CUL2: variants seen among roughly 807,000 people sequenced by gnomAD.
The protein encoded by CUL2 is cullin-2.
A neutral mutation model predicts 110.2 loss-of-function variants in CUL2; 22 were observed. The observed-to-expected ratio is 0.20, with a 90% CI of 0.14 to 0.28. The LOEUF (loss-of-function observed/expected upper bound fraction) is 0.28. CUL2 is among the 10% of genes least tolerant of loss of function. The probability of loss-of-function intolerance (pLI) is 1.00; values close to 1 mark genes in which losing one functional copy is unlikely to be tolerated. For missense variants in CUL2, 631 were observed against 905.5 expected (o/e 0.70, Z 3.89); for synonymous variants, 279 against 293.2 (o/e 0.95, Z 0.49).
intron 6 of CUL2, among the ~76,000 whole-genome samples, chr10:35,045,419 C>CA (rs764280962): frequency 0.017 from 2,489 of 146,572 alleles, 36 homozygotes; most frequent in Non-Finnish European, 0.027. Flanking sequence ...AGACCTCATT[C>CA]AAAAAAAAAA....
chr10:35,067,219 C>T (rs1406421985), intron 2 of CUL2, among the ~76,000 whole-genome samples: 3 of 151,814 alleles, frequency 2.0e-5, no homozygotes, highest in African/African-American at 7.3e-5. Flanking sequence ...ATATTCCTAC[C>T]TGGAAGAAAT....
At chr10:35,053,495 T>G (rs574754319) in intron 5 of CUL2, among the ~76,000 whole-genome samples, 3 of 152,362 alleles carry the variant, frequency 2.0e-5, no homozygotes, top group African/African-American at 7.2e-5. Flanking sequence ...ATGCTTTTTA[T>G]TGCTGAATGT....
chr10:35,125,770 G>A (rs1467508206), intron 1 of CUL2, among the ~76,000 whole-genome samples: 2 of 152,176 alleles, frequency 1.3e-5, no homozygotes, highest in East Asian at 1.9e-4. Context: ...AGAACCTATC[G>A]TTAAGTGAGG....
intron 1 of CUL2, among the ~76,000 whole-genome samples, chr10:35,109,977 C>A (rs915929861): frequency 3.9e-5 from 6 of 152,132 alleles, no homozygotes; most frequent in African/African-American, 1.4e-4. Context: ...AGTTCAAGAG[C>A]AGCCTGGGCA....
intron 1 of CUL2, among the ~76,000 whole-genome samples, chr10:35,104,132 A>G (rs2087423738): frequency 6.6e-6 from 1 of 152,150 alleles, no homozygotes; most frequent in South Asian, 2.1e-4. Flanking sequence ...ACGATTTCAC[A>G]CATACATGCA....
chr10:35,012,047 C>A (rs1310128413), intron 19 of CUL2, 83 bp from the exon 20 acceptor site: 2 of 705,958 alleles, frequency 2.8e-6, no homozygotes, highest in East Asian at 3.0e-5. Context: ...TCAGTGAGTG[C>A]AAATACTTTT....
chr10:35,039,334 A>AT, intron 8 of CUL2, among the ~76,000 whole-genome samples: 1 of 152,344 alleles, frequency 6.6e-6, no homozygotes, highest in Non-Finnish European at 1.5e-5. Flanking sequence ...TTTTGTCTTC[A>AT]TTTACCTACA....
At chr10:35,015,544 C>A (rs1188360747) in intron 18 of CUL2, among the ~76,000 whole-genome samples, 1 of 151,816 alleles carries the variant, frequency 6.6e-6, no homozygotes, top group Non-Finnish European at 1.5e-5. Context: ...CTTATAAGCA[C>A]AATAATTTGA....
intron 1 of CUL2, among the ~76,000 whole-genome samples, chr10:35,085,630 G>A (rs941077352): frequency 1.3e-5 from 2 of 148,532 alleles, no homozygotes; most frequent in African/African-American, 5.0e-5. Context: ...TGTAGTCCCA[G>A]CTACTCGGGA....
In CUL2 at chr10:35,122,837, C is replaced by T. The variant is rs2087694063; in HGVS notation, c.-51+3768G>A. ...ATTTTTAGTAGAGATGGGGTTTTGCCATATTAGCCAGGCTGTTTGTTCTCA... is the reference window on the plus strand; with the variant it reads ...ATTTTTAGTAGAGATGGGGTTTTGCTATATTAGCCAGGCTGTTTGTTCTCA... On this transcript the variant is annotated intron_variant, in intron 1 of 5. Coordinates refer to the CUL2 transcript ENST00000685421. Among the ~76,000 whole-genome samples, 4 of 152,232 alleles carry T rather than the reference C, an allele frequency of 2.6e-5. No homozygotes were observed. In the South Asian group the frequency reaches 8.3e-4, roughly 32 times the overall value.
intron 9 of CUL2, among the ~76,000 whole-genome samples, chr10:35,037,282 T>C (rs2085647115): frequency 6.6e-6 from 1 of 152,222 alleles, no homozygotes; most frequent in Admixed American, 6.5e-5. Context: ...GAAAAGACCA[T>C]CTTTTACCTG....
At chr10:35,020,418 A>G in intron 17 of CUL2, among the ~76,000 whole-genome samples, 1 of 152,218 alleles carries the variant, frequency 6.6e-6, no homozygotes, top group South Asian at 2.1e-4. Context: ...TAGCTGTTGG[A>G]ATTATTTGAA....
intron 20 of CUL2, among the ~76,000 whole-genome samples, chr10:35,010,774 T>C (rs1327874683): frequency 1.3e-5 from 2 of 152,226 alleles, no homozygotes; most frequent in African/African-American, 4.8e-5. Flanking sequence ...TACATTCTCA[T>C]AGTACTGTAT....
chr10:35,021,334 G>A (rs1363058546), intron 17 of CUL2, among the ~76,000 whole-genome samples: 2 of 149,866 alleles, frequency 1.3e-5, no homozygotes, highest in Non-Finnish European at 3.0e-5. Flanking sequence ...TCGGCTCACT[G>A]CAATCTCCGC....
intron 5 of CUL2, among the ~76,000 whole-genome samples, chr10:35,052,752 G>A (rs112876478): frequency 0.027 from 4,113 of 151,962 alleles, 185 homozygotes; most frequent in African/African-American, 0.094. Flanking sequence ...AAAATTAGCC[G>A]GGTGTGGTGG....
chr10:35,027,426 G>A (rs2085364756), intron 16 of CUL2, among the ~76,000 whole-genome samples: 2 of 152,218 alleles, frequency 1.3e-5, no homozygotes, highest in East Asian at 1.9e-4. Context: ...TTACAGGCGT[G>A]AGCCACCGCG....
chr10:35,091,518 T>C (rs980627282), upstream of CUL2, among the ~76,000 whole-genome samples: 5 of 152,190 alleles, frequency 3.3e-5, no homozygotes, highest in African/African-American at 1.2e-4. Flanking sequence ...CCTTTTAATC[T>C]AGTGATTCTC....
chr10:35,015,571 C>T (rs1321787499), intron 18 of CUL2, among the ~76,000 whole-genome samples: 1 of 152,068 alleles, frequency 6.6e-6, no homozygotes, highest in Non-Finnish European at 1.5e-5. Flanking sequence ...TATAATCCCA[C>T]CTCTGTTGCA....
In CUL2 at chr10:35,025,123, G is replaced by A. The variant is rs370401674; in HGVS notation, c.1684+9C>T. 32 of 1,491,768 alleles carry A rather than the reference G, an allele frequency of 2.1e-5. No homozygotes were observed. The highest frequency in any genetic ancestry group is 2.8e-5 in the Non-Finnish European group (31 of 1,124,374). 92.4% of individuals were successfully genotyped at this position (1,491,768 alleles called of 1,614,324 possible). Reference sequence around the variant, plus strand: ...TTCATTAAGCCAGATATAATTAAATGCATTTTACCTGTACACAGATAATGT... The same window carrying A: ...TTCATTAAGCCAGATATAATTAAATACATTTTACCTGTACACAGATAATGT... On this transcript the variant is annotated intron_variant, in intron 17 of 20. Coordinates refer to ENST00000374749, the MANE Select transcript of CUL2 (RefSeq NM_003591.4).
Sources: gnomAD v4.1 joint callset for allele counts (sites outside exome capture counted in the v4.1 genomes callset) on GRCh38, gnomAD v4.1.1 for gene constraint, MANE v1.5 for transcripts, NCBI Gene and HGNC (gene_info 2026-07-23, HGNC 2026-07-21) for gene names.